EFCAB11: variants seen among roughly 807,000 people sequenced by gnomAD.
The protein encoded by EFCAB11 is EF-hand calcium binding domain 11, also known as EF-hand calcium-binding domain-containing protein 11.
Under a neutral mutation model 23.0 loss-of-function variants are expected in EFCAB11, and 14 were observed. That is an observed-to-expected ratio of 0.61 (90% CI 0.40 to 0.95). The LOEUF (loss-of-function observed/expected upper bound fraction) is 0.95, where lower values mean the gene tolerates loss of function less well. EFCAB11 is among the 40% of genes least tolerant of loss of function. The pLI is 0.00. For missense variants in EFCAB11, 198 were observed against 195.8 expected, an observed-to-expected ratio of 1.01 and a Z score of -0.07; for synonymous variants, 65 against 66.6, an observed-to-expected ratio of 0.98 and a Z score of 0.11.
chr14:89,862,263 TA>T (rs1463026865), intron 5 of EFCAB11, among the ~76,000 whole-genome samples: 2 of 152,258 alleles, frequency 1.3e-5, no homozygotes, highest in African/African-American at 4.8e-5. Flanking sequence ...CTGTAACAGT[TA>T]TTATTTTAAT....
At chr14:89,929,310 A>T (rs1180787680) in intron 5 of EFCAB11, among the ~76,000 whole-genome samples, 1 of 152,068 alleles carries the variant, frequency 6.6e-6, no homozygotes. Context: ...TTGGCCTCCT[A>T]AAGTGCTAGG....
chr14:89,834,590 T>A (rs2140119113), intron 5 of EFCAB11, among the ~76,000 whole-genome samples: 1 of 152,182 alleles, frequency 6.6e-6, no homozygotes, highest in Non-Finnish European at 1.5e-5. Context: ...CTTGGAAAGC[T>A]GTTCGGGAAA....
chr14:89,898,443 C>T (rs1332004912), intron 5 of EFCAB11, among the ~76,000 whole-genome samples: 2 of 152,148 alleles, frequency 1.3e-5, no homozygotes, highest in Non-Finnish European at 2.9e-5. Flanking sequence ...CGGCTCACTG[C>T]AACCTCCACC....
At chr14:89,898,814 G>C (rs1889254916) in intron 5 of EFCAB11, among the ~76,000 whole-genome samples, 1 of 151,530 alleles carries the variant, frequency 6.6e-6, no homozygotes, top group African/African-American at 2.4e-5. Context: ...TGGGACTACA[G>C]GGGTGTGCCA....
chr14:89,927,396 C>T (rs1462410148), intron 5 of EFCAB11, among the ~76,000 whole-genome samples: 1 of 152,204 alleles, frequency 6.6e-6, no homozygotes, highest in African/African-American at 2.4e-5. Flanking sequence ...TCTCTAGCTG[C>T]CTTCTCCTAG....
chr14:89,924,181 A>G (rs1596457081), intron 5 of EFCAB11: 1 of 985,830 alleles, frequency 1.0e-6, no homozygotes, highest in Non-Finnish European at 1.2e-6. Flanking sequence ...TCTCATTTTC[A>G]CCCAATTTCT....
chr14:89,836,434 C>A, intron 5 of EFCAB11: 1 of 384,616 alleles, frequency 2.6e-6, no homozygotes, highest in South Asian at 2.0e-5. Context: ...CCTTTGCAGG[C>A]CTCTTCCTGA....
At chr14:89,802,750 T>C (rs917453626) in intron 5 of EFCAB11, among the ~76,000 whole-genome samples, 7 of 152,316 alleles carry the variant, frequency 4.6e-5, no homozygotes, top group African/African-American at 1.7e-4. Flanking sequence ...GAAGGTTATA[T>C]GCTACGCAGA....
At chr14:89,799,206 G>A (rs1885684419) in intron 5 of EFCAB11, 1 of 152,202 alleles carries the variant, frequency 6.6e-6, no homozygotes, top group Non-Finnish European at 1.5e-5. Flanking sequence ...AACGTGTGGG[G>A]TGGCATTTTA....
Position 89,931,830 on chromosome 14 carries a change from G to A in EFCAB11, c.320-199C>T, listed in dbSNP as rs192984830. On this transcript the variant is annotated intron_variant, in intron 4 of 5. Coordinates refer to ENST00000316738, the MANE Select transcript of EFCAB11 (RefSeq NM_145231.4). ...GATTCTAATAATACTTTCCTTCAGTGCAGTCCCGGCTGATCTTGAAGGTCA... is the reference window on the plus strand; with the variant it reads ...GATTCTAATAATACTTTCCTTCAGTACAGTCCCGGCTGATCTTGAAGGTCA... Among the ~76,000 whole-genome samples, 16 of 152,274 alleles carry A rather than the reference G, an allele frequency of 1.1e-4. No homozygotes were observed. The East Asian group carries it at 2.9e-3, about 28-fold the overall frequency.
At chr14:89,894,073 G>A (rs1298155049) in intron 5 of EFCAB11, among the ~76,000 whole-genome samples, 2 of 151,542 alleles carry the variant, frequency 1.3e-5, no homozygotes, top group Non-Finnish European at 2.9e-5. Context: ...TCCGCCTCCC[G>A]GGTTCACGCC....
intron 5 of EFCAB11, among the ~76,000 whole-genome samples, chr14:89,925,703 T>C (rs1890170855): frequency 6.7e-6 from 1 of 149,032 alleles, no homozygotes; most frequent in Middle Eastern, 3.5e-3. Flanking sequence ...TGGAGTGCAA[T>C]GGCGCAGCCT....
chr14:89,830,058 C>T (rs1886832373), intron 5 of EFCAB11: 2 of 152,246 alleles, frequency 1.3e-5, no homozygotes, highest in South Asian at 4.1e-4. Flanking sequence ...ATCTCTCCCT[C>T]CATTCCATTG....
intron 5 of EFCAB11, among the ~76,000 whole-genome samples, chr14:89,842,390 A>G (rs1000493666): frequency 7.9e-5 from 12 of 152,160 alleles, no homozygotes; most frequent in Non-Finnish European, 1.8e-4. Context: ...GGAGTTTGAG[A>G]CCAGCCTAGC....
At chr14:89,813,963 G>A (rs1175270418) in intron 5 of EFCAB11, among the ~76,000 whole-genome samples, 1 of 151,978 alleles carries the variant, frequency 6.6e-6, no homozygotes, top group South Asian at 2.1e-4. Flanking sequence ...CTCGGCTGCT[G>A]CTCTCTTTCA....
intron 5 of EFCAB11, among the ~76,000 whole-genome samples, chr14:89,929,177 G>A: frequency 6.6e-6 from 1 of 151,644 alleles, no homozygotes; most frequent in Admixed American, 6.6e-5. Flanking sequence ...CTCCCAAATA[G>A]CTAGCAGCTA....
chr14:89,804,673 G>A (rs1316932138), intron 5 of EFCAB11, among the ~76,000 whole-genome samples: 4 of 152,166 alleles, frequency 2.6e-5, no homozygotes, highest in African/African-American at 7.2e-5. Flanking sequence ...GCAATAGCAC[G>A]TCATATCAGA....
In EFCAB11 at chr14:89,794,700, T is replaced by C. The variant is rs910766507; in HGVS notation, c.*2543A>G. 2 of 152,210 alleles carry C rather than the reference T, an allele frequency of 1.3e-5. No individual in the cohort carries two copies. The highest frequency in any genetic ancestry group is 2.9e-5 in the Non-Finnish European group (2 of 68,032). 9.4% of individuals were successfully genotyped at this position (152,210 alleles called of 1,614,324 possible). The stretch of plus-strand genomic sequence containing the variant: ...TTTGAAATAAGATTTTATTTTTACT[T>C]GATTTTCAATGTTTTCTTCATTTTA... On this transcript the variant is annotated 3_prime_UTR_variant, in exon 6 of 6. Transcript: ENST00000316738.
At chr14:89,898,657 G>A (rs180740105) in intron 5 of EFCAB11, among the ~76,000 whole-genome samples, 4,950 of 143,544 alleles carry the variant, frequency 0.034, 125 homozygotes, top group South Asian at 0.075. Flanking sequence ...GAGCCACCGC[G>A]CCTGGCCTCT....
Sources: gnomAD v4.1 joint callset for allele counts (sites outside exome capture counted in the v4.1 genomes callset) on GRCh38, gnomAD v4.1.1 for gene constraint, MANE v1.5 for transcripts, NCBI Gene and HGNC (gene_info 2026-07-23, HGNC 2026-07-21) for gene names.